The following THSD7B variants were observed in gnomAD, a reference collection of about 807,000 sequenced individuals.
THSD7B encodes the protein thrombospondin type-1 domain-containing protein 7B.
A neutral mutation model predicts 213.6 loss-of-function variants in THSD7B; 138 were observed. The observed-to-expected ratio is 0.65, with a 90% CI of 0.56 to 0.74. The LOEUF (loss-of-function observed/expected upper bound fraction) is 0.74. Among genes scored for constraint, THSD7B ranks in the 30% least tolerant of loss-of-function variants. The pLI is 0.00. For missense variants in THSD7B, 1,931 were observed against 1,991.5 expected (o/e 0.97, Z 0.58); for synonymous variants, 742 against 687.0 (o/e 1.08, Z -1.25).
chr2:136,970,504 AAAG>A (rs1156378665), intron 2 of THSD7B, among the ~76,000 whole-genome samples: 6 of 152,098 alleles, frequency 3.9e-5, no homozygotes, highest in African/African-American at 1.2e-4. Flanking sequence ...TGAAAAAGAA[AAAG>A]AAGAGTATAA....
intron 12 of THSD7B, among the ~76,000 whole-genome samples, chr2:137,335,344 G>A (rs899987934): frequency 6.6e-6 from 1 of 152,202 alleles, no homozygotes; most frequent in Non-Finnish European, 1.5e-5. Flanking sequence ...GGCCAAGGAA[G>A]GAGGACATCT....
At chr2:137,008,591 G>A (rs1686161215) in intron 2 of THSD7B, among the ~76,000 whole-genome samples, 1 of 152,086 alleles carries the variant, frequency 6.6e-6, no homozygotes, top group South Asian at 2.1e-4. Context: ...GTTTGATGTG[G>A]CTGATTTCTC....
At chr2:137,018,469 A>G (rs1299579977) in intron 2 of THSD7B, among the ~76,000 whole-genome samples, 1 of 152,204 alleles carries the variant, frequency 6.6e-6, no homozygotes, top group Non-Finnish European at 1.5e-5. Flanking sequence ...TATACCCTAA[A>G]AACTGGAAAA....
chr2:137,360,459 G>A (rs1022432589), intron 12 of THSD7B, among the ~76,000 whole-genome samples: 5 of 152,120 alleles, frequency 3.3e-5, no homozygotes, highest in Non-Finnish European at 7.4e-5. Flanking sequence ...CCCTTTCCTA[G>A]CCAAGGGAAG....
intron 12 of THSD7B, among the ~76,000 whole-genome samples, chr2:137,286,773 C>G (rs1558743379): frequency 2.0e-5 from 3 of 152,078 alleles, no homozygotes; most frequent in South Asian, 2.1e-4. Flanking sequence ...GAGGTTTGGA[C>G]AAAAATGAGC....
intron 4 of THSD7B, among the ~76,000 whole-genome samples, chr2:137,101,494 G>T (rs1484360955): frequency 6.6e-6 from 1 of 152,204 alleles, no homozygotes; most frequent in Non-Finnish European, 1.5e-5. Context: ...GCTAGCAGGA[G>T]TTTATTTTCA....
intron 3 of THSD7B, among the ~76,000 whole-genome samples, chr2:137,092,829 G>A (rs34018366): frequency 0.47 from 71,571 of 151,922 alleles, 19,996 homozygotes; most frequent in Non-Finnish European, 0.63. Flanking sequence ...GTAGAGACAA[G>A]GTTTCATCGT....
chr2:136,798,273 CCTTTA>C (rs10576917), intron 1 of THSD7B, among the ~76,000 whole-genome samples: 38,813 of 151,572 alleles, frequency 0.26, 5,501 homozygotes, highest in Non-Finnish European at 0.32. Flanking sequence ...GATATGCCTG[CCTTTA>C]CTTTAATGAT....
intron 12 of THSD7B, among the ~76,000 whole-genome samples, chr2:137,354,559 T>G (rs1295992067): frequency 6.6e-6 from 1 of 152,144 alleles, no homozygotes; most frequent in South Asian, 2.1e-4. Context: ...TCCAAGTATT[T>G]TATTTTATAA....
At chr2:136,928,937 G>C (rs1437463809) in intron 2 of THSD7B, among the ~76,000 whole-genome samples, 1 of 151,964 alleles carries the variant, frequency 6.6e-6, no homozygotes, top group Non-Finnish European at 1.5e-5. Flanking sequence ...ACATGAGTGA[G>C]CTAAAAAATA....
At chr2:137,317,129 C>T (rs1684129411) in intron 12 of THSD7B, among the ~76,000 whole-genome samples, 1 of 151,910 alleles carries the variant, frequency 6.6e-6, no homozygotes. Flanking sequence ...TTTTGTATAT[C>T]TTGATTTTTT....
chr2:136,897,530 TA>T, intron 2 of THSD7B, among the ~76,000 whole-genome samples: 1 of 152,154 alleles, frequency 6.6e-6, no homozygotes, highest in Non-Finnish European at 1.5e-5. Flanking sequence ...CTCATAAAGG[TA>T]GTGTGGACCC....
intron 2 of THSD7B, among the ~76,000 whole-genome samples, chr2:136,904,543 T>C (rs956819237): frequency 6.6e-6 from 1 of 151,084 alleles, no homozygotes; most frequent in African/African-American, 2.4e-5. Flanking sequence ...AATAACTCCA[T>C]GTTCACCAGG....
In THSD7B at chr2:137,160,202, T is replaced by C; in HGVS notation, c.1370-11T>C. ...GAATGTGACATGGTCCGTTATCTTT[T>C]TGTCCCTCAGTCTCTAGACCTGTGG... On this transcript the variant is annotated splice_polypyrimidine_tract_variant and intron_variant, in intron 5 of 27. Coordinates refer to ENST00000409968, the MANE Select transcript of THSD7B (RefSeq NM_001316349.2). The C allele has an allele frequency of 3.1e-6, 5 of 1,607,360 alleles. No individual in the cohort carries two copies. The highest frequency in any genetic ancestry group is 4.2e-6 in the Non-Finnish European group (5 of 1,177,054).
chr2:137,310,980 T>A (rs1289626476), intron 12 of THSD7B, among the ~76,000 whole-genome samples: 1 of 150,100 alleles, frequency 6.7e-6, no homozygotes, highest in Non-Finnish European at 1.5e-5. Flanking sequence ...ATTGACTTGG[T>A]GATGCGGGCT....
At chr2:137,290,319 G>C (rs1332185292) in intron 12 of THSD7B, among the ~76,000 whole-genome samples, 1 of 151,972 alleles carries the variant, frequency 6.6e-6, no homozygotes, top group African/African-American at 2.4e-5. Context: ...TCGATCTCCT[G>C]ACCTCGTGAT....
chr2:137,555,174 C>G (rs952900241), intron 15 of THSD7B, among the ~76,000 whole-genome samples: 2 of 152,220 alleles, frequency 1.3e-5, no homozygotes, highest in Admixed American at 1.3e-4. Context: ...ATGTCCCTGT[C>G]TGACAGCTTT....
chr2:136,857,553 G>A (rs886514998), intron 1 of THSD7B, among the ~76,000 whole-genome samples: 4 of 152,124 alleles, frequency 2.6e-5, no homozygotes, highest in Admixed American at 2.6e-4. Flanking sequence ...CTATAATGTG[G>A]TTCTATAGCT....
chr2:136,776,953 G>A (rs1256710841), intron 1 of THSD7B, among the ~76,000 whole-genome samples: 7 of 152,056 alleles, frequency 4.6e-5, no homozygotes, highest in African/African-American at 1.7e-4. Context: ...GAAAAGAGGA[G>A]AGAAGAGGAG....
Sources: gnomAD v4.1 joint callset for allele counts (sites outside exome capture counted in the v4.1 genomes callset) on GRCh38, gnomAD v4.1.1 for gene constraint, MANE v1.5 for transcripts, NCBI Gene and HGNC (gene_info 2026-07-23, HGNC 2026-07-21) for gene names.